The following KNG1 variants were observed in gnomAD, a reference collection of about 807,000 sequenced individuals.
KNG1 encodes the protein kininogen 1, also known as kininogen-1.
In KNG1, 23 loss-of-function variants were observed where a neutral mutation model predicts 47.8. The observed-to-expected ratio is 0.48, with a 90% CI of 0.35 to 0.68. KNG1 has a LOEUF of 0.68. Among genes scored for constraint, KNG1 ranks in the 30% least tolerant of loss-of-function variants. The probability of loss-of-function intolerance (pLI) is 0.01; values close to 1 mark genes in which losing one functional copy is unlikely to be tolerated. For synonymous variants in KNG1, 277 were observed against 277.0 expected (o/e 1.00, Z 0.00); for missense variants, 762 against 790.2 (o/e 0.96, Z 0.43).
intron 5 of KNG1, chr3:186,728,499 G>A (rs895483216): frequency 2.0e-5 from 3 of 151,894 alleles, no homozygotes; most frequent in South Asian, 2.1e-4. Flanking sequence ...ATAGTAAAAC[G>A]GTTACAATGT....
chr3:186,735,479 G>A (rs1292841712), intron 7 of KNG1, among the ~76,000 whole-genome samples: 1 of 152,082 alleles, frequency 6.6e-6, no homozygotes, highest in Non-Finnish European at 1.5e-5. Context: ...TCAGCTGGGT[G>A]TGGTGGTGGG....
intron 6 of KNG1, 60 bp from the exon 7 acceptor site, chr3:186,732,442 G>A: frequency 6.6e-7 from 1 of 1,507,774 alleles, no homozygotes; most frequent in Non-Finnish European, 9.2e-7. Flanking sequence ...TGTGCAGGAG[G>A]GATGCTAGGC....
intron 2 of KNG1, among the ~76,000 whole-genome samples, chr3:186,720,775 GTT>G (rs1720169091): frequency 2.0e-5 from 1 of 49,158 alleles, no homozygotes; most frequent in African/African-American, 9.5e-5. Context: ...ATAGCTGGTT[GTT>G]GTTTTGCTTT....
rs542391676 is a variant in KNG1 at position 186,738,867 on chromosome 3, A to G, written c.931-232A>G. On this transcript the variant is annotated intron_variant, in intron 7 of 9. Coordinates refer to ENST00000644859, the MANE Select transcript of KNG1 (RefSeq NM_001102416.3). ...ATCTCAAAAAAAAAAAATAAAGAAA[A>G]TTATAGCTTGCTTATTTCTTCCCCC... 254 of 456,038 alleles carry G rather than the reference A, an allele frequency of 5.6e-4. 1 individual carries two copies. Among genetic ancestry groups the G allele is most frequent in the South Asian group, 2.7e-3 (118 of 43,752 alleles). 28.2% of individuals were successfully genotyped at this position (456,038 alleles called of 1,614,324 possible).
chr3:186,739,189 G>C lies in KNG1; in HGVS notation c.1021G>C (p.Glu341Gln), dbSNP rs1200564321. 3 of 1,614,110 alleles carry C rather than the reference G, an allele frequency of 1.9e-6. No homozygotes were observed. Among genetic ancestry groups the C allele is most frequent in the Non-Finnish European group, 2.5e-6 (3 of 1,179,956 alleles). Residue 341 changes from glutamate to glutamine, a missense_variant, in exon 8 of 10, where the codon GAG becomes CAG. By Grantham distance (29) the Glu-to-Gln change is conservative. Coordinates refer to ENST00000644859, the MANE Select transcript of KNG1 (RefSeq NM_001102416.3). ...TAATGAAGAGTTGACCGAAAGCTGT[G>C]AGACCAAAAAACTTGGCGTGAGTAG... ...ESNEELTESC[E>Q]TKKLGQSLDC...
chr3:186,742,232 A>G lies in KNG1; in HGVS notation c.1836A>G (p.Pro612=), dbSNP rs774560484. The change falls in exon 10 of 10, where the codon CCA becomes CCG. Residue 612 remains proline, a synonymous_variant. Transcript: ENST00000644859. ...PISDFPDTTS[P]KCPGRPWKSV... Reference sequence around the variant, plus strand: ...CAGATTTTCCAGACACGACCTCCCCAAAATGTCCTGGACGCCCCTGGAAGT... The same window carrying G: ...CAGATTTTCCAGACACGACCTCCCCGAAATGTCCTGGACGCCCCTGGAAGT... The G allele has an allele frequency of 2.5e-6, 4 of 1,614,228 alleles. No individual in the cohort carries two copies. The highest frequency in any genetic ancestry group is 3.4e-6 in the Non-Finnish European group (4 of 1,180,044).
At chr3:186,735,390 G>T (rs1720646282) in intron 7 of KNG1, among the ~76,000 whole-genome samples, 1 of 152,146 alleles carries the variant, frequency 6.6e-6, no homozygotes, top group Non-Finnish European at 1.5e-5. Context: ...GGCCGAGGCA[G>T]GTGGATCACC....
At chr3:186,719,359 C>T (rs892674569) in intron 1 of KNG1, among the ~76,000 whole-genome samples, 1 of 152,154 alleles carries the variant, frequency 6.6e-6, no homozygotes, top group African/African-American at 2.4e-5. Flanking sequence ...ACAGAGATAA[C>T]TGTTAACATT....
At chr3:186,740,017 C>T (rs1411383677) in intron 9 of KNG1, among the ~76,000 whole-genome samples, 2 of 151,308 alleles carry the variant, frequency 1.3e-5, no homozygotes, top group Non-Finnish European at 1.5e-5. Flanking sequence ...CACTGCACTC[C>T]AGCCTGGGCA....
At position 186,742,695 on chromosome 3, in the gene KNG1, G is replaced by C; in HGVS notation, c.*364G>C. 1 of 1,050,536 alleles carries C rather than the reference G, an allele frequency of 9.5e-7. No individual in the cohort carries two copies. The highest frequency in any genetic ancestry group is 1.1e-6 in the Non-Finnish European group (1 of 870,880). The allele number at this position is 1,050,536 out of a possible 1,614,324, so 65.1% of individuals were successfully genotyped here. On this transcript the variant is annotated 3_prime_UTR_variant, in exon 10 of 10. Transcript: ENST00000644859. ...AGATTCTTGTCATTCTTAATAAACT[G>C]TGGCACTTGGTATTTGAATGTGTGT...
intron 9 of KNG1, among the ~76,000 whole-genome samples, chr3:186,741,004 T>C (rs1294365256): frequency 6.6e-6 from 1 of 152,010 alleles, no homozygotes; most frequent in African/African-American, 2.4e-5. Flanking sequence ...TGTTGTTTGT[T>C]TTTTGTTTTT....
chr3:186,731,494 G>A (rs1264268937), intron 5 of KNG1, 51 bp from the exon 6 acceptor site: 2 of 1,054,744 alleles, frequency 1.9e-6, no homozygotes, highest in African/African-American at 3.1e-5. Context: ...TTACTTTTAA[G>A]ACTCTAAAAA....
chr3:186,727,150 T>A, intron 4 of KNG1, 87 bp from the exon 5 acceptor site: 2 of 939,752 alleles, frequency 2.1e-6, no homozygotes, highest in Non-Finnish European at 3.5e-6. Flanking sequence ...ATTGCCACAC[T>A]GTTTTCTAAA....
intron 1 of KNG1, among the ~76,000 whole-genome samples, 167 bp from the exon 2 acceptor site, chr3:186,719,938 T>C (rs1037127064): frequency 6.6e-6 from 1 of 152,226 alleles, no homozygotes; most frequent in Non-Finnish European, 1.5e-5. Context: ...GAATATATTA[T>C]AAACATTCTT....
At chr3:186,733,302 T>C (rs1343595002) in intron 7 of KNG1, among the ~76,000 whole-genome samples, 9 of 152,106 alleles carry the variant, frequency 5.9e-5, no homozygotes, top group Admixed American at 5.2e-4. Flanking sequence ...ATTAATAAAA[T>C]TCAGGGCTAG....
At position 186,730,721 on chromosome 3, in the gene KNG1, C is replaced by T. The variant is rs1579122301; in HGVS notation, c.673-824C>T. Among the ~76,000 whole-genome samples the T allele has an allele frequency of 6.9e-5, 8 of 115,286 alleles. No homozygotes were observed. In the South Asian group the frequency reaches 1.9e-3, roughly 27 times the overall value. The allele number at this position is 115,286 out of a possible 152,430, so 75.6% of individuals were successfully genotyped here. A position where few individuals can be genotyped will look rare whatever the true frequency, so the allele number is the denominator to read the frequency against. ...ATATATATATATATATATATACACACACACACACATATATATATACACATA... is the reference window on the plus strand; with the variant it reads ...ATATATATATATATATATATACACATACACACACATATATATATACACATA... On this transcript the variant is annotated intron_variant, in intron 5 of 9. Transcript: ENST00000644859.
In KNG1 at chr3:186,722,392, C is replaced by G. The variant is rs1348820781; in HGVS notation, c.307-45C>G. ...TAGCAACAGTATTAGGTAGACTTTC[C>G]CATCTGAAAGATTAAGATAAATGAT... On this transcript the variant is annotated intron_variant, in intron 2 of 9. Coordinates refer to ENST00000644859, the MANE Select transcript of KNG1 (RefSeq NM_001102416.3). 3 of 1,468,672 alleles carry G rather than the reference C, an allele frequency of 2.0e-6. No individual in the cohort carries two copies. The South Asian group carries it at 3.4e-5, about 17-fold the overall frequency. The allele number at this position is 1,468,672 out of a possible 1,614,324, so 91.0% of individuals were successfully genotyped here.
Position 186,741,821 on chromosome 3 carries a change from T to A in KNG1, c.1425T>A (p.His475Gln). The change falls in exon 10 of 10, where the codon CAT becomes CAA. Residue 475 changes from histidine (H) to glutamine (Q), a missense_variant. Physicochemically the swap from His to Gln is conservative, Grantham distance 24. Transcript: ENST00000644859. ...HEQQHGLGHG[H>Q]KFKLDDDLEH... Reference sequence around the variant, plus strand: ...AACAGCATGGTCTTGGTCATGGACATAAGTTCAAACTTGATGATGATCTTG... The same window carrying A: ...AACAGCATGGTCTTGGTCATGGACAAAAGTTCAAACTTGATGATGATCTTG... The A allele has an allele frequency of 6.2e-7, 1 of 1,613,794 alleles. No homozygotes were observed. The highest frequency in any genetic ancestry group is 8.5e-7 in the Non-Finnish European group (1 of 1,179,784).
chr3:186,736,995 T>G (rs747275184), intron 7 of KNG1: 3 of 152,080 alleles, frequency 2.0e-5, no homozygotes, highest in Non-Finnish European at 4.4e-5. Context: ...GAGGTTGCAG[T>G]GTGTGTCACT....
Sources: allele counts gnomAD v4.1 joint callset (sites outside exome capture counted in the v4.1 genomes callset), GRCh38; gene constraint gnomAD v4.1.1; transcripts MANE v1.5; gene names NCBI Gene and HGNC (gene_info 2026-07-23, HGNC 2026-07-21).